The following PLIN4 variants were observed in gnomAD, a reference collection of about 807,000 sequenced individuals.
The protein encoded by PLIN4 is perilipin 4, also known as perilipin-4.
A neutral mutation model predicts 52.4 loss-of-function variants in PLIN4; 57 were observed. The ratio of observed to expected loss-of-function variants is 1.09; its 90% CI spans 0.88 to 1.36. PLIN4 has a LOEUF of 1.36. Ranked by LOEUF, PLIN4 falls within the 40% of genes most tolerant of loss-of-function variation. The pLI is 0.00. For missense variants in PLIN4, 1,757 were observed against 1,770.3 expected, an observed-to-expected ratio of 0.99 and a Z score of 0.13; for synonymous variants, 826 against 785.4, an observed-to-expected ratio of 1.05 and a Z score of -0.86.
rs1976344988 is a variant in PLIN4, at chr19:4,511,527, C to CT, written c.2432dup (p.Ala813GlyfsTer83). The CT allele has an allele frequency of 6.6e-7, 1 of 1,518,090 alleles. No homozygotes were observed. 94.0% of individuals were successfully genotyped at this position (1,518,090 alleles called of 1,614,324 possible). On this transcript the variant is annotated frameshift_variant, in exon 5 of 8. Transcript: ENST00000301286. LOFTEE classifies it high-confidence loss of function. ...TGTCTACACCCATCTGGACGGCCCC[C>CT]TTGGCCACATTCGCAGCACCGGTCA... is the stretch of plus-strand genomic sequence containing the variant.
chr19:4,513,176 T>G lies in PLIN4; in HGVS notation c.784A>C (p.Thr262Pro). ...SIQTGVDTSKTVLTGTKDTVC... is the reference protein window; with the variant it reads ...SIQTGVDTSKPVLTGTKDTVC... ...GTGTCCTTGGTACCTGTTAGGACAG[T>G]CTTACTGGTGTCCACACCGGTCTGA... The change falls in exon 5 of 8, where the codon ACT becomes CCT. Residue 262 changes from threonine (T) to proline (P), a missense_variant. This residue lies in a region of PLIN4 where 99 missense variants were observed against 143.4 expected (regional missense o/e 0.69). Coordinates refer to ENST00000301286, the MANE Select transcript of PLIN4 (RefSeq NM_001367868.2). 6.2e-7 allele frequency: 1 copy of G among 1,613,416 alleles called. No individual in the cohort carries two copies. Among genetic ancestry groups the G allele is most frequent in the South Asian group, 1.1e-5 (1 of 91,058 alleles).
chr19:4,509,056 T>A, intron 5 of PLIN4, 101 bp from the exon 6 acceptor site: 1 of 1,168,476 alleles, frequency 8.6e-7, no homozygotes, highest in Non-Finnish European at 1.2e-6. Flanking sequence ...CCGCCTGTGA[T>A]CCCAGCACTC....
intron 6 of PLIN4, among the ~76,000 whole-genome samples, chr19:4,505,864 C>T (rs1478437279): frequency 1.3e-5 from 2 of 152,116 alleles, no homozygotes; most frequent in Non-Finnish European, 1.5e-5. Context: ...AATATCCACT[C>T]TGCAACCCGC....
At chr19:4,505,528 G>A (rs73540164) in intron 6 of PLIN4, among the ~76,000 whole-genome samples, 3,021 of 152,234 alleles carry the variant, frequency 0.02, 104 homozygotes, top group African/African-American at 0.069. Context: ...CCCTCTCCTC[G>A]GGAGCACAGC....
Position 4,511,646 on chromosome 19 carries a change from C to T in PLIN4, c.2314G>A (p.Gly772Arg). Reference sequence around the variant, plus strand: ...GTCCCTTTGGCCAACTTCACAGCCCCTGTGAGCCCAGTGGACACAGCATCT... The same window carrying T: ...GTCCCTTTGGCCAACTTCACAGCCCTTGTGAGCCCAGTGGACACAGCATCT... ...TKDAVSTGLT[G>R]AVKLAKGTVQ... Residue 772 changes from glycine to arginine, a missense_variant, in exon 5 of 8, where the codon GGG becomes AGG. Coordinates refer to ENST00000301286, the MANE Select transcript of PLIN4 (RefSeq NM_001367868.2). The T allele has an allele frequency of 8.6e-7, 1 of 1,157,144 alleles. No homozygotes were observed. Among genetic ancestry groups the T allele is most frequent in the Non-Finnish European group, 1.2e-6 (1 of 830,210 alleles). The allele number at this position is 1,157,144 out of a possible 1,614,324, so 71.7% of individuals were successfully genotyped here. A position where few individuals can be genotyped will look rare whatever the true frequency, so the allele number is the denominator to read the frequency against.
In PLIN4 at chr19:4,513,567, T is replaced by A; in HGVS notation, c.393A>T (p.Ala131=). The change falls in exon 5 of 8, where the codon GCA becomes GCT. Residue 131 remains alanine (A), a synonymous_variant. Coordinates refer to ENST00000301286, the MANE Select transcript of PLIN4 (RefSeq NM_001367868.2). ...VQGGLDTTRS[A]LTGTKEVVSS... The stretch of plus-strand genomic sequence containing the variant: ...ACACCACCTCCTTGGTGCCCGTAAG[T>A]GCAGACCGAGTGGTGTCCAGGCCTC... 1 of 1,606,376 alleles carries A rather than the reference T, an allele frequency of 6.2e-7. No individual in the cohort carries two copies. Among genetic ancestry groups the A allele is most frequent in the Non-Finnish European group, 8.5e-7 (1 of 1,176,706 alleles).
chr19:4,518,423 C>G lies in PLIN4; in HGVS notation c.-56G>C, dbSNP rs915704163. 6.3e-5 allele frequency: 77 copies of G among 1,228,054 alleles called. 1 individual carries two copies. In the African/African-American group the frequency reaches 1.1e-3, roughly 18 times the overall value. 76.1% of individuals were successfully genotyped at this position (1,228,054 alleles called of 1,614,324 possible). ...CTCACCCTGGTGTCACCGAAGCAGA[C>G]GCGGCCCCGCTCACCTGGACTGCGC... On this transcript the variant is annotated 5_prime_UTR_variant, in exon 1 of 8. Transcript: ENST00000301286.
rs374887296 is a variant in PLIN4, at chr19:4,513,195, G to A, written c.765C>T (p.Thr255=). The A allele has an allele frequency of 1.6e-5, 26 of 1,613,228 alleles. No homozygotes were observed. The East Asian group carries it at 2.0e-4, about 12-fold the overall frequency. Reference sequence around the variant, plus strand: ...GGACAGTCTTACTGGTGTCCACACCGGTCTGAATGCTTCCTCTGGCCACAT... The same window carrying A: ...GGACAGTCTTACTGGTGTCCACACCAGTCTGAATGCTTCCTCTGGCCACAT... ...AVNVARGSIQ[T]GVDTSKTVLT... The change falls in exon 5 of 8, where the codon ACC becomes ACT. Residue 255 remains threonine (T), a synonymous_variant. Transcript: ENST00000301286.
intron 3 of PLIN4, among the ~76,000 whole-genome samples, 159 bp downstream of exon 3, chr19:4,517,395 A>G (rs28496534): frequency 0.025 from 3,871 of 152,234 alleles, 155 homozygotes; most frequent in African/African-American, 0.089. Flanking sequence ...TTTATGCCTC[A>G]GTTTCCCCAT....
intron 5 of PLIN4, 35 bp downstream of exon 5, chr19:4,510,411 G>C: frequency 7.3e-7 from 1 of 1,368,394 alleles, no homozygotes; most frequent in Non-Finnish European, 9.5e-7. Flanking sequence ...AGCTGTGCCT[G>C]CCTCAGGGAC....
In PLIN4 at chr19:4,516,677, C is replaced by A; in HGVS notation, c.198G>T (p.Val66=). Residue 66 remains valine (V), a splice_region_variant and synonymous_variant, in exon 4 of 8, where the codon GTG becomes GTT. Coordinates refer to ENST00000301286, the MANE Select transcript of PLIN4 (RefSeq NM_001367868.2). ...GGGCCGTCTGCTCTGGGTGGGCAGC[C>A]ACTGTGGGGACAGGGGCCGGTCAGG... is the stretch of plus-strand genomic sequence containing the variant. ...AAEAAQPQAQ[V]AAHPEQTAPW... The A allele has an allele frequency of 6.3e-7, 1 of 1,594,618 alleles. No homozygotes were observed. Among genetic ancestry groups the A allele is most frequent in the Non-Finnish European group, 8.5e-7 (1 of 1,171,140 alleles).
In PLIN4 at chr19:4,503,309, C is replaced by T. The variant is rs184482778; in HGVS notation, c.*1150G>A. On this transcript the variant is annotated 3_prime_UTR_variant, in exon 8 of 8. Transcript: ENST00000301286. Reference sequence around the variant, plus strand: ...GGGGAGGCCGGGCTGAACGGCTCCTCCCCGCTGGACTGAGCGCAGCCACGG... The same window carrying T: ...GGGGAGGCCGGGCTGAACGGCTCCTTCCCGCTGGACTGAGCGCAGCCACGG... The T allele has an allele frequency of 6.6e-6, 1 of 152,300 alleles. No homozygotes were observed. The allele number at this position is 152,300 out of a possible 1,614,324, so 9.4% of individuals were successfully genotyped here.
chr19:4,509,075 C>A, intron 5 of PLIN4, 120 bp from the exon 6 acceptor site: 1 of 923,044 alleles, frequency 1.1e-6, no homozygotes, highest in Admixed American at 2.9e-5. Flanking sequence ...TCTGGGAGGC[C>A]GAGGCGGGCA....
At position 4,504,570 on chromosome 19, in the gene PLIN4, C is replaced by T; in HGVS notation, c.4005G>A (p.Glu1335=). 2 of 1,602,378 alleles carry T rather than the reference C, an allele frequency of 1.2e-6. No individual in the cohort carries two copies. The highest frequency in any genetic ancestry group is 1.1e-5 in the South Asian group (1 of 89,846). ...LPAERLVQSR[E]GVHQAWQGLE... The stretch of plus-strand genomic sequence containing the variant: ...ACCCCTGCCAAGCCTGGTGCACACC[C>T]TCGCGGCTCTGCACCAGCCGCTCTG... The change falls in exon 8 of 8, where the codon GAG becomes GAA. Residue 1335 remains glutamate, a synonymous_variant. Coordinates refer to ENST00000301286, the MANE Select transcript of PLIN4 (RefSeq NM_001367868.2).
rs1975976921 is a variant in PLIN4 at position 4,503,170 on chromosome 19, GGC to G, written c.*1287_*1288del. 1 of 152,252 alleles carries G rather than the reference GGC, an allele frequency of 6.6e-6. No individual in the cohort carries two copies. Among genetic ancestry groups the G allele is most frequent in the African/African-American group, 2.4e-5 (1 of 41,426 alleles). The allele number at this position is 152,252 out of a possible 1,614,324, so 9.4% of individuals were successfully genotyped here. On this transcript the variant is annotated 3_prime_UTR_variant, in exon 8 of 8. Transcript: ENST00000301286. ...CCCTGGTGCACACGGTGACCCCTGGGGCCCCTCCACCCTTCCTCCCCCTGGGT... is the reference window on the plus strand; with the variant it reads ...CCCTGGTGCACACGGTGACCCCTGGGCCCTCCACCCTTCCTCCCCCTGGGT...
intron 6 of PLIN4, among the ~76,000 whole-genome samples, chr19:4,506,483 G>T (rs939951374): frequency 6.6e-6 from 1 of 152,112 alleles, no homozygotes; most frequent in Admixed American, 6.5e-5. Context: ...CCAACGCGAC[G>T]CCCTATATAT....
At chr19:4,514,322 C>T (rs1402412002) in intron 4 of PLIN4, among the ~76,000 whole-genome samples, 1 of 152,092 alleles carries the variant, frequency 6.6e-6, no homozygotes, top group East Asian at 1.9e-4. Flanking sequence ...GGGGGGCACA[C>T]CTGTAGTCCC....
At chr19:4,509,496 G>T (rs561955926) in intron 5 of PLIN4, among the ~76,000 whole-genome samples, 30 of 151,468 alleles carry the variant, frequency 2.0e-4, no homozygotes, top group Admixed American at 2.0e-3. Context: ...GTGGTGGCGG[G>T]CGCCTATAAT....
chr19:4,512,034 C>T lies in PLIN4; in HGVS notation c.1926G>A (p.Val642=). 6.2e-7 allele frequency: 1 copy of T among 1,613,000 alleles called. No homozygotes were observed. Among genetic ancestry groups the T allele is most frequent in the Non-Finnish European group, 8.5e-7 (1 of 1,179,794 alleles). The part of the protein sequence containing the change: ...DTIYSGVTSA[V]NVAKGAVQTG... Reference sequence around the variant, plus strand: ...TTTGCACAGCCCCCTTGGCCACGTTCACGGCACTGGTGACCCCACTGTAGA... The same window carrying T: ...TTTGCACAGCCCCCTTGGCCACGTTTACGGCACTGGTGACCCCACTGTAGA... The change falls in exon 5 of 8, where the codon GTG becomes GTA. Residue 642 remains valine (V), a synonymous_variant. Transcript: ENST00000301286.
Sources: gnomAD v4.1 joint callset for allele counts (sites outside exome capture counted in the v4.1 genomes callset) on GRCh38, gnomAD v4.1.1 for gene constraint, gnomAD v4.1.1 regional missense constraint, MANE v1.5 for transcripts, NCBI Gene and HGNC (gene_info 2026-07-23, HGNC 2026-07-21) for gene names.